The following INPP5A variants were observed in gnomAD, a reference collection of about 807,000 sequenced individuals.
The protein encoded by INPP5A is 43 kDa inositol polyphosphate 5-phophatase.
In INPP5A, 14 loss-of-function variants were observed where a neutral mutation model predicts 65.2. The observed-to-expected ratio is 0.21, with a 90% CI of 0.14 to 0.34. The LOEUF (loss-of-function observed/expected upper bound fraction) is 0.34, where lower values mean the gene tolerates loss of function less well. Among genes scored for constraint, INPP5A ranks in the 10% least tolerant of loss-of-function variants. INPP5A has a pLI of 1.00. For missense variants in INPP5A, 431 were observed against 545.6 expected, an observed-to-expected ratio of 0.79 and a Z score of 2.09; for synonymous variants, 207 against 208.3, an observed-to-expected ratio of 0.99 and a Z score of 0.05.
intron 2 of INPP5A, among the ~76,000 whole-genome samples, chr10:132,634,322 TATCATCTCCCTTGGTGGGTGTGC>T (rs2072312275): frequency 6.6e-6 from 1 of 150,392 alleles, no homozygotes; most frequent in Non-Finnish European, 1.5e-5. Context: ...CGGAGAGGCG[TATCATCTCCCTTGGTGGGTGTGC>T]CCCGGAGAGG....
At chr10:132,685,510 G>A (rs916558454) in intron 4 of INPP5A, among the ~76,000 whole-genome samples, 1 of 152,274 alleles carries the variant, frequency 6.6e-6, no homozygotes, top group African/African-American at 2.4e-5. Context: ...GCACGAGGGA[G>A]CTGGGTGCAG....
intron 2 of INPP5A, among the ~76,000 whole-genome samples, chr10:132,642,122 G>GAAC (rs1350159425): frequency 6.6e-6 from 1 of 152,230 alleles, no homozygotes; most frequent in East Asian, 1.9e-4. Flanking sequence ...GGCCTTCTGG[G>GAAC]AACAGCCTGG....
chr10:132,660,504 C>A (rs1389714634), intron 4 of INPP5A, among the ~76,000 whole-genome samples: 4 of 152,122 alleles, frequency 2.6e-5, no homozygotes, highest in Non-Finnish European at 5.9e-5. Context: ...TCAAACAAGA[C>A]CTGCAGGAGG....
Position 132,697,837 on chromosome 10 carries a change from C to T in INPP5A, c.392C>T (p.Ala131Val), listed in dbSNP as rs114353064. The T allele has an allele frequency of 4.0e-4, 651 of 1,613,382 alleles. 5 individuals are homozygous for T. In the African/African-American group the frequency reaches 7.9e-3, roughly 20 times the overall value. ...DFKAKKYRKV[A>V]GKEIYSDTLE... ...CCAGCTAAGAAGTATAGAAAGGTCG[C>T]TGGCAAAGAGATCTACTCGGATACC... The change falls in exon 6 of 16, where the codon GCT (alanine) becomes GTT (valine). Residue 131 changes from alanine (A) to valine (V), a missense_variant. Physicochemically the swap from Ala to Val is moderately conservative, Grantham distance 64. Coordinates refer to ENST00000368594, the MANE Select transcript of INPP5A (RefSeq NM_005539.5). The surrounding 1 kb of genome is among the most constrained non-coding windows in gnomAD (Gnocchi z 5.6).
At chr10:132,721,037 G>C (rs1408604670) in intron 8 of INPP5A, among the ~76,000 whole-genome samples, 1 of 148,778 alleles carries the variant, frequency 6.7e-6, no homozygotes, top group East Asian at 2.0e-4. Context: ...GTGGTACCTG[G>C]GTTCTGTCTG....
At chr10:132,586,666 G>A (rs868420955) in intron 1 of INPP5A, among the ~76,000 whole-genome samples, 1 of 152,254 alleles carries the variant, frequency 6.6e-6, no homozygotes, top group Non-Finnish European at 1.5e-5. Context: ...GGATACGTGC[G>A]CCAGAGCCTC....
chr10:132,765,540 A>C (rs3829132), intron 11 of INPP5A, among the ~76,000 whole-genome samples: 31,655 of 152,112 alleles, frequency 0.21, 3,441 homozygotes, highest in Non-Finnish European at 0.25. Context: ...AGAAAGCTTT[A>C]TGGGTGGGCA....
At chr10:132,647,215 A>G (rs970634062) in intron 3 of INPP5A, among the ~76,000 whole-genome samples, 2 of 150,238 alleles carry the variant, frequency 1.3e-5, no homozygotes, top group African/African-American at 4.9e-5. Context: ...TCCTGGATTC[A>G]TGCCATTCTT....
At chr10:132,708,215 T>C in intron 6 of INPP5A, 98 bp from the exon 7 acceptor site, 1 of 1,076,820 alleles carries the variant, frequency 9.3e-7, no homozygotes, top group Non-Finnish European at 1.4e-6. Flanking sequence ...CTGTTTTTTG[T>C]TTGGAAAGCA....
chr10:132,739,073 G>A (rs1049891551), intron 9 of INPP5A, among the ~76,000 whole-genome samples: 3 of 152,102 alleles, frequency 2.0e-5, no homozygotes, highest in Admixed American at 6.5e-5. Flanking sequence ...GGCCCGCCCC[G>A]CAGCCCTCCC....
chr10:132,744,842 C>T (rs1217046710), intron 9 of INPP5A, among the ~76,000 whole-genome samples: 1 of 152,224 alleles, frequency 6.6e-6, no homozygotes, highest in African/African-American at 2.4e-5. Flanking sequence ...TTTCTATCCA[C>T]TGAGGAAGGT....
At chr10:132,748,874 G>A (rs1160229250) in intron 9 of INPP5A, among the ~76,000 whole-genome samples, 1 of 152,238 alleles carries the variant, frequency 6.6e-6, no homozygotes, top group Non-Finnish European at 1.5e-5. Context: ...TGGTCCTCCT[G>A]GTCGGTGTGA....
Position 132,549,599 on chromosome 10 carries a change from T to C in INPP5A, c.75+11428T>C, listed in dbSNP as rs1475050579. Among the ~76,000 whole-genome samples the C allele has an allele frequency of 6.6e-6, 1 of 152,186 alleles. No individual in the cohort carries two copies. The highest frequency in any genetic ancestry group is 1.5e-5 in the Non-Finnish European group (1 of 68,036). ...GAGGCCTCTGCTACGAGGCTCCCGC[T>C]TGCCTGGCAGGTGGCAGGTGTGATG... On this transcript the variant is annotated intron_variant, in intron 1 of 15. Coordinates refer to ENST00000368594, the MANE Select transcript of INPP5A (RefSeq NM_005539.5). The surrounding 1 kb of genome is among the most constrained non-coding windows in gnomAD (Gnocchi z 4.9).
chr10:132,560,567 T>C (rs141163955), intron 1 of INPP5A, among the ~76,000 whole-genome samples: 101 of 152,208 alleles, frequency 6.6e-4, no homozygotes, highest in Non-Finnish European at 1.4e-3. Context: ...TAGATCTGCT[T>C]TGAAGCAACG....
chr10:132,643,947 G>T (rs753711313), intron 2 of INPP5A, among the ~76,000 whole-genome samples: 1 of 152,100 alleles, frequency 6.6e-6, no homozygotes, highest in East Asian at 1.9e-4. Flanking sequence ...CCAGGGAGGC[G>T]TGGCAGATCT....
intron 12 of INPP5A, among the ~76,000 whole-genome samples, chr10:132,766,061 C>T (rs777726716): frequency 1.5e-4 from 23 of 152,054 alleles, no homozygotes; most frequent in African/African-American, 2.2e-4. Flanking sequence ...TGAACGTATG[C>T]GTCTGTGTGT....
At chr10:132,693,995 A>G (rs750188790) in intron 5 of INPP5A, among the ~76,000 whole-genome samples, 4 of 152,368 alleles carry the variant, frequency 2.6e-5, no homozygotes, top group Non-Finnish European at 5.9e-5. Flanking sequence ...CAGGAAAGAC[A>G]TAGTTTAACT....
intron 11 of INPP5A, among the ~76,000 whole-genome samples, chr10:132,757,983 G>A (rs1846659107): frequency 6.9e-6 from 1 of 145,878 alleles, no homozygotes; most frequent in Non-Finnish European, 1.5e-5. Context: ...CCACAGGCCA[G>A]TGCAATGTTG....
chr10:132,776,281 G>A (rs931181894), intron 12 of INPP5A, among the ~76,000 whole-genome samples: 2 of 152,190 alleles, frequency 1.3e-5, no homozygotes, highest in African/African-American at 2.4e-5. Context: ...GGTGGCAGCC[G>A]TGGCTCCTGT....
Sources: gnomAD v4.1 joint callset for allele counts (sites outside exome capture counted in the v4.1 genomes callset) on GRCh38, gnomAD v4.1.1 for gene constraint, Gnocchi (gnomAD v3.1) non-coding constraint, MANE v1.5 for transcripts, NCBI Gene and HGNC (gene_info 2026-07-23, HGNC 2026-07-21) for gene names.